Variants in PRKDC observed in about 807,000 individuals in gnomAD.
PRKDC encodes DNA-dependent protein kinase catalytic subunit.
In PRKDC, 82 loss-of-function variants were observed where a neutral mutation model predicts 486.9. The observed-to-expected ratio is 0.17, with a 90% CI of 0.14 to 0.20. The LOEUF is 0.20. Ranked by LOEUF, PRKDC falls within the 10% of genes least tolerant of loss-of-function variation. PRKDC has a pLI of 1.00. For synonymous variants in PRKDC, 1,895 were observed against 1,837.0 expected (o/e 1.03, Z -0.81); for missense variants, 4,504 against 5,038.2 (o/e 0.89, Z 3.21).
At chr8:47,959,949 G>A (rs1459725612) in intron 1 of PRKDC, 24 bp downstream of exon 1, 1 of 1,464,506 alleles carries the variant, frequency 6.8e-7, no homozygotes, top group Non-Finnish European at 9.1e-7. Context: ...ACCCACCCGC[G>A]GCCCAGCTCG....
chr8:47,956,596 G>A (rs1441677665), intron 3 of PRKDC, among the ~76,000 whole-genome samples: 1 of 151,204 alleles, frequency 6.6e-6, no homozygotes, highest in African/African-American at 2.4e-5. Context: ...CCAGCAACTT[G>A]GGAGGCTGAG....
intron 10 of PRKDC, among the ~76,000 whole-genome samples, chr8:47,941,574 C>T (rs913799238): frequency 6.6e-6 from 1 of 152,186 alleles, no homozygotes; most frequent in African/African-American, 2.4e-5. Context: ...CCTGACTCTG[C>T]GGGGAGAGGA....
At position 47,895,160 on chromosome 8, in the gene PRKDC, G is replaced by A. The variant is rs144034622; in HGVS notation, c.3599-1773C>T. Reference sequence around the variant, plus strand: ...GAGGATCACATGAGCCTAGGAGTTCGTGTCCAGCCCGGACAACATAGTGAG... The same window carrying A: ...GAGGATCACATGAGCCTAGGAGTTCATGTCCAGCCCGGACAACATAGTGAG... On this transcript the variant is annotated intron_variant, in intron 30 of 85. Transcript: ENST00000314191. 2.0e-3 allele frequency among the ~76,000 whole-genome samples: 311 copies of A among 152,218 alleles called. 2 individuals are homozygous for A. The highest frequency in any genetic ancestry group is 6.8e-3 in the African/African-American group (283 of 41,528).
At chr8:47,928,423 G>A (rs1452023000) in intron 19 of PRKDC, among the ~76,000 whole-genome samples, 6 of 152,088 alleles carry the variant, frequency 3.9e-5, no homozygotes, top group African/African-American at 1.4e-4. Context: ...AAAGTGCTAG[G>A]ATTACAGGCA....
At chr8:47,861,441 G>A (rs917281871) in intron 44 of PRKDC, among the ~76,000 whole-genome samples, 1 of 152,272 alleles carries the variant, frequency 6.6e-6, no homozygotes, top group South Asian at 2.1e-4. Context: ...TCCTAGTCTT[G>A]TTCAGAAGAA....
chr8:47,808,550 C>T (rs2087261905), intron 68 of PRKDC, among the ~76,000 whole-genome samples: 1 of 152,102 alleles, frequency 6.6e-6, no homozygotes, highest in Admixed American at 6.6e-5. Context: ...TCATAGCACA[C>T]TACAGCCTTG....
intron 23 of PRKDC, among the ~76,000 whole-genome samples, chr8:47,914,368 TA>T (rs199523187): frequency 2.7e-5 from 4 of 150,412 alleles, no homozygotes; most frequent in Admixed American, 2.0e-4. Flanking sequence ...AATTTTTACT[TA>T]AAAAAAAAAT....
intron 54 of PRKDC, among the ~76,000 whole-genome samples, chr8:47,843,975 C>T (rs937931056): frequency 2.6e-5 from 4 of 152,168 alleles, no homozygotes; most frequent in Non-Finnish European, 5.9e-5. Flanking sequence ...TACTATAAAG[C>T]AACTACACAG....
chr8:47,945,638 A>C lies in PRKDC; in HGVS notation c.722-1609T>G, dbSNP rs576660399. Among the ~76,000 whole-genome samples the C allele has an allele frequency of 3.3e-5, 5 of 152,188 alleles. 1 individual carries two copies. In the South Asian group the frequency reaches 1.0e-3, roughly 32 times the overall value. On this transcript the variant is annotated intron_variant, in intron 7 of 85. Transcript: ENST00000314191. ...TGTGTCTACGTGCCATATTTTGCTT[A>C]TCCATTCATCCCTGGATGAACACTT...
At chr8:47,911,105 T>C (rs891476288) in intron 25 of PRKDC, among the ~76,000 whole-genome samples, 1 of 152,242 alleles carries the variant, frequency 6.6e-6, no homozygotes, top group East Asian at 1.9e-4. Flanking sequence ...CAGTATTGAA[T>C]AGAATCTCCC....
At chr8:47,873,544 C>T (rs987913161) in intron 40 of PRKDC, among the ~76,000 whole-genome samples, 2 of 152,114 alleles carry the variant, frequency 1.3e-5, no homozygotes, top group South Asian at 2.1e-4. Context: ...ATCAGTATAT[C>T]GAAGAGGTAC....
intron 37 of PRKDC, 104 bp downstream of exon 37, chr8:47,881,808 T>C: frequency 9.7e-7 from 1 of 1,035,312 alleles, no homozygotes; most frequent in Non-Finnish European, 1.4e-6. Context: ...TTTTCTTATT[T>C]GTCAAACCAA....
rs747089655 is a variant in PRKDC at position 47,927,343 on chromosome 8, T to G, written c.2270A>C (p.Lys757Thr). 1 of 1,611,024 alleles carries G rather than the reference T, an allele frequency of 6.2e-7. No individual in the cohort carries two copies. Among genetic ancestry groups the G allele is most frequent in the African/African-American group, 1.3e-5 (1 of 74,784 alleles). Residue 757 changes from lysine to threonine, a missense_variant, in exon 21 of 86, where the codon AAA becomes ACA. Transcript: ENST00000314191. ...AYVPALQMAF[K>T]LGLSYTPLAE... ...CAAGGGGGTATAGCTCAGGCCCAGTTTGAAAGCCATCTGTATGTTAATACA... is the reference window on the plus strand; with the variant it reads ...CAAGGGGGTATAGCTCAGGCCCAGTGTGAAAGCCATCTGTATGTTAATACA...
chr8:47,801,023 GTA>G (rs766527022), intron 70 of PRKDC, 37 bp from the exon 71 acceptor site: 17 of 1,558,164 alleles, frequency 1.1e-5, no homozygotes, highest in Middle Eastern at 3.5e-4. Flanking sequence ...ACAAAATTTT[GTA>G]TGTGTGTGTG....
chr8:47,873,227 CAAAAAAAAAAAA>C (rs60385860), intron 40 of PRKDC, among the ~76,000 whole-genome samples: 3,342 of 71,110 alleles, frequency 0.047, 160 homozygotes, highest in African/African-American at 0.12. Context: ...GACTCCATCT[CAAAAAAAAAAAA>C]AAAAAAAAAA....
intron 48 of PRKDC, among the ~76,000 whole-genome samples, chr8:47,858,192 C>G (rs2154500529): frequency 6.6e-6 from 1 of 152,038 alleles, no homozygotes; most frequent in East Asian, 1.9e-4. Flanking sequence ...CGCTCCACCC[C>G]CCGCTTTTTT....
chr8:47,953,891 T>C lies in PRKDC; in HGVS notation c.537A>G (p.Gly179=). 2 of 1,554,198 alleles carry C rather than the reference T, an allele frequency of 1.3e-6. No homozygotes were observed. Among genetic ancestry groups the C allele is most frequent in the Non-Finnish European group, 1.7e-6 (2 of 1,146,712 alleles). ...TVLEKVYELL[G]LLGEVHPSEM... ...CACTAGGATGAACTTCACCCAATAA[T>C]CCTAGGAGCTCATATACTTTTTCTA... Residue 179 remains glycine, a synonymous_variant, in exon 6 of 86, where the codon GGA becomes GGG. Coordinates refer to ENST00000314191, the MANE Select transcript of PRKDC (RefSeq NM_006904.7).
At chr8:47,800,351 C>T (rs1007788562) in intron 71 of PRKDC, among the ~76,000 whole-genome samples, 69 of 151,696 alleles carry the variant, frequency 4.5e-4, no homozygotes, top group African/African-American at 1.6e-3. Context: ...AGTAAACTAT[C>T]GCAAGGACAA....
intron 54 of PRKDC, among the ~76,000 whole-genome samples, chr8:47,844,434 A>C (rs1048395632): frequency 1.3e-5 from 2 of 152,220 alleles, no homozygotes; most frequent in Admixed American, 1.3e-4. Context: ...TTACACAGGC[A>C]CTCAATAATA....
Sources: gnomAD v4.1 joint callset for allele counts (sites outside exome capture counted in the v4.1 genomes callset) on GRCh38, gnomAD v4.1.1 for gene constraint, MANE v1.5 for transcripts, NCBI Gene and HGNC (gene_info 2026-07-23, HGNC 2026-07-21) for gene names.